THADA: variants seen among roughly 807,000 people sequenced by gnomAD.
THADA encodes THADA armadillo repeat containing.
Under a neutral mutation model 219.8 loss-of-function variants are expected in THADA, and 213 were observed. The observed-to-expected ratio is 0.97, with a 90% CI of 0.87 to 1.09. The LOEUF is 1.09. Among genes scored for constraint, THADA ranks in the 50% least tolerant of loss-of-function variants. The probability of loss-of-function intolerance (pLI) is 0.00; values close to 1 mark genes in which losing one functional copy is unlikely to be tolerated. For synonymous variants in THADA, 1,018 were observed against 828.9 expected (o/e 1.23, Z -3.92); for missense variants, 2,956 against 2,311.3 (o/e 1.28, Z -5.72).
At chr2:43,587,262 C>T (rs955276747) in intron 4 of THADA, among the ~76,000 whole-genome samples, 1 of 152,176 alleles carries the variant, frequency 6.6e-6, no homozygotes, top group Non-Finnish European at 1.5e-5. Flanking sequence ...AACACCATGT[C>T]ACTTCTCTTA....
chr2:43,350,807 G>T (rs1035566884), intron 29 of THADA, among the ~76,000 whole-genome samples: 1 of 152,130 alleles, frequency 6.6e-6, no homozygotes, highest in African/African-American at 2.4e-5. Flanking sequence ...CTGTTTATTG[G>T]GTAAGAATAC....
At chr2:43,292,280 T>C (rs1674826782) in intron 32 of THADA, 58 bp from the exon 33 acceptor site, 6 of 1,099,400 alleles carry the variant, frequency 5.5e-6, no homozygotes, top group Non-Finnish European at 7.8e-6. Context: ...GAGATGTCTC[T>C]AGATGTTACA....
intron 21 of THADA, among the ~76,000 whole-genome samples, chr2:43,538,729 T>C (rs909118475): frequency 3.3e-5 from 5 of 152,192 alleles, no homozygotes; most frequent in African/African-American, 9.7e-5. Flanking sequence ...GCAAACCAGG[T>C]AACATCCAGG....
intron 24 of THADA, among the ~76,000 whole-genome samples, chr2:43,502,488 G>C (rs953390864): frequency 6.6e-6 from 1 of 151,558 alleles, no homozygotes; most frequent in Non-Finnish European, 1.5e-5. Context: ...AGGAGGCTGA[G>C]GCAGGAGAAT....
intron 30 of THADA, among the ~76,000 whole-genome samples, chr2:43,333,674 C>G (rs376607443): frequency 6.6e-6 from 1 of 152,078 alleles, no homozygotes; most frequent in Non-Finnish European, 1.5e-5. Flanking sequence ...AGTTTTGGCA[C>G]GGACCACAAA....
chr2:43,249,219 C>T (rs1451372792), intron 36 of THADA, among the ~76,000 whole-genome samples: 1 of 152,028 alleles, frequency 6.6e-6, no homozygotes, highest in African/African-American at 2.4e-5. Context: ...TCCTGAGTAA[C>T]TGGAACTACA....
At position 43,552,211 on chromosome 2, in the gene THADA, A is replaced by G. The variant is rs766140153; in HGVS notation, c.2803T>C (p.Ser935Pro). The G allele has an allele frequency of 3.1e-6, 5 of 1,607,314 alleles. No individual in the cohort carries two copies. The highest frequency in any genetic ancestry group is 2.7e-5 in the African/African-American group (2 of 74,700). Residue 935 changes from serine to proline, a missense_variant, in exon 18 of 38, where the codon TCT becomes CCT. Ser to Pro is a moderately conservative substitution (Grantham distance 74). Coordinates refer to ENST00000405975, the MANE Select transcript of THADA (RefSeq NM_022065.5). ...AGCTGTGGAAATCCTTACTTTAGAGATAACTTCTGCAAAGCTCCTGTTATA... is the reference window on the plus strand; with the variant it reads ...AGCTGTGGAAATCCTTACTTTAGAGGTAACTTCTGCAAAGCTCCTGTTATA... ...HCITGALQKL[S>P]LNSLQLVSEW...
rs998778659 is a variant in THADA, at chr2:43,458,152, T to C, written c.3836+27082A>G. The stretch of plus-strand genomic sequence containing the variant: ...ATTTAAATAGGGTTACTCAAGTTCA[T>C]GGATTGGTAATGGATGATGTTGCAA... On this transcript the variant is annotated intron_variant, in intron 26 of 37. Coordinates refer to ENST00000405975, the MANE Select transcript of THADA (RefSeq NM_022065.5). Among the ~76,000 whole-genome samples the C allele has an allele frequency of 2.0e-5, 3 of 152,190 alleles. No homozygotes were observed. In the East Asian group the frequency reaches 5.8e-4, roughly 29 times the overall value.
intron 36 of THADA, among the ~76,000 whole-genome samples, chr2:43,271,141 C>G (rs1256121671): frequency 1.3e-5 from 2 of 152,230 alleles, no homozygotes; most frequent in African/African-American, 4.8e-5. Flanking sequence ...CTGCTGGGCA[C>G]TTCCCAGGGC....
chr2:43,562,060 A>G (rs1229540202), intron 15 of THADA, among the ~76,000 whole-genome samples: 1 of 152,118 alleles, frequency 6.6e-6, no homozygotes, highest in Admixed American at 6.6e-5. Context: ...TATTATTCTT[A>G]AATTGACCCA....
At chr2:43,497,130 G>A (rs990917764) in intron 25 of THADA, among the ~76,000 whole-genome samples, 25 of 152,194 alleles carry the variant, frequency 1.6e-4, no homozygotes, top group Admixed American at 1.2e-3. Flanking sequence ...ACAGTGTGGT[G>A]ATTCCTCAAG....
chr2:43,290,049 C>T (rs1253456247), intron 34 of THADA, among the ~76,000 whole-genome samples: 1 of 141,986 alleles, frequency 7.0e-6, no homozygotes, highest in Non-Finnish European at 1.5e-5. Context: ...GATCTCAGAT[C>T]ACTGCAATCT....
At chr2:43,502,479 G>A (rs541029011) in intron 24 of THADA, among the ~76,000 whole-genome samples, 26 of 151,782 alleles carry the variant, frequency 1.7e-4, no homozygotes, top group Admixed American at 1.6e-3. Context: ...CAGTTACTCA[G>A]GAGGCTGAGG....
At chr2:43,340,796 A>C (rs1666982294) in intron 30 of THADA, among the ~76,000 whole-genome samples, 1 of 152,278 alleles carries the variant, frequency 6.6e-6, no homozygotes, top group Admixed American at 6.5e-5. Flanking sequence ...TCTTCATGGG[A>C]AAGGCAGGTG....
At position 43,577,367 on chromosome 2, in the gene THADA, T is replaced by C. The variant is rs1574338720; in HGVS notation, c.817-125A>G. On this transcript the variant is annotated intron_variant, in intron 9 of 37. Coordinates refer to ENST00000405975, the MANE Select transcript of THADA (RefSeq NM_022065.5). ...TAGGAAAAATGACTAAATCCAAAGA[T>C]AAAATACCCACAAATGTCATGATTA... 4.1e-6 allele frequency: 3 copies of C among 727,610 alleles called. No individual in the cohort carries two copies. In the East Asian group the frequency reaches 8.2e-5, roughly 20 times the overall value. 45.1% of individuals were successfully genotyped at this position (727,610 alleles called of 1,614,324 possible).
At chr2:43,485,717 G>A (rs866481566) in intron 25 of THADA, among the ~76,000 whole-genome samples, 1 of 151,834 alleles carries the variant, frequency 6.6e-6, no homozygotes, top group African/African-American at 2.4e-5. Context: ...TTTTACCTAC[G>A]AGAAAATACT....
In THADA at chr2:43,422,044, C is replaced by T. The variant is rs906002481; in HGVS notation, c.4058+6056G>A. 7.9e-5 allele frequency among the ~76,000 whole-genome samples: 12 copies of T among 152,192 alleles called. 1 individual carries two copies. Among genetic ancestry groups the T allele is most frequent in the Admixed American group, 7.9e-4 (12 of 15,282 alleles). ...TGAAATAAGGCATGCCAAACAGATA[C>T]CTTGATGATATCCAGTCCAACCTCA... On this transcript the variant is annotated intron_variant, in intron 28 of 37. Transcript: ENST00000405975.
chr2:43,515,004 T>TATATATA (rs1691190513), intron 22 of THADA, among the ~76,000 whole-genome samples: 2 of 29,086 alleles, frequency 6.9e-5, no homozygotes, highest in African/African-American at 2.5e-4. Flanking sequence ...TATATAATAT[T>TATATATA]ATATATATTA....
intron 26 of THADA, chr2:43,484,590 C>G (rs1686651142): frequency 1.2e-5 from 2 of 166,392 alleles, no homozygotes; most frequent in Admixed American, 1.3e-4. Flanking sequence ...TCTTTAAAAA[C>G]AAACAGATCT....
Sources: allele counts gnomAD v4.1 joint callset (sites outside exome capture counted in the v4.1 genomes callset), GRCh38; gene constraint gnomAD v4.1.1; transcripts MANE v1.5; gene names NCBI Gene and HGNC (gene_info 2026-07-23, HGNC 2026-07-21).